The following MID1 variants were observed in gnomAD, a reference collection of about 807,000 sequenced individuals.
MID1 encodes midline 1, also known as E3 ubiquitin-protein ligase Midline-1.
Under a neutral mutation model 40.4 loss-of-function variants are expected in MID1, and 7 were observed. That is an observed-to-expected ratio of 0.17 (90% CI 0.10 to 0.33). MID1 has a LOEUF of 0.33. Among genes scored for constraint, MID1 ranks in the 10% least tolerant of loss-of-function variants. The probability of loss-of-function intolerance (pLI) is 1.00; values close to 1 mark genes in which losing one functional copy is unlikely to be tolerated. For missense variants in MID1, 367 were observed against 558.5 expected, an observed-to-expected ratio of 0.66 and a Z score of 3.46; for synonymous variants, 229 against 221.2, an observed-to-expected ratio of 1.04 and a Z score of -0.31.
intron 1 of MID1, among the ~76,000 whole-genome samples, chrX:10,733,909 G>T (rs2043469725): frequency 1.8e-5 from 2 of 112,282 alleles, no homozygotes; most frequent in South Asian, 7.4e-4. Context: ...GTATTCAAAT[G>T]CATACCTATG....
chrX:10,555,844 C>T (rs911208382), intron 2 of MID1, among the ~76,000 whole-genome samples: 1 of 110,778 alleles, frequency 9.0e-6, no homozygotes, highest in African/African-American at 3.3e-5. Context: ...GACGATGATA[C>T]CGCTATTCTA....
At chrX:10,790,568 G>T (rs1239096653) in intron 1 of MID1, among the ~76,000 whole-genome samples, 1 of 110,650 alleles carries the variant, frequency 9.0e-6, no homozygotes, top group Non-Finnish European at 1.9e-5. Context: ...CATTCTGGGA[G>T]TGAGTTCCTC....
At chrX:10,761,629 A>G (rs1004381267) in intron 1 of MID1, among the ~76,000 whole-genome samples, 7 of 112,442 alleles carry the variant, frequency 6.2e-5, no homozygotes, top group Admixed American at 9.4e-5. Context: ...TGCTATTGCC[A>G]TAAGAAGGAC....
intron 1 of MID1, among the ~76,000 whole-genome samples, chrX:10,746,116 G>A (rs996599012): frequency 8.9e-6 from 1 of 111,867 alleles, no homozygotes; most frequent in African/African-American, 3.3e-5. Flanking sequence ...GAGAAGAGGC[G>A]GCATTCCTGA....
chrX:10,803,326 A>G (rs904351255), intron 1 of MID1, among the ~76,000 whole-genome samples: 5 of 110,227 alleles, frequency 4.5e-5, no homozygotes, highest in Non-Finnish European at 9.5e-5. Context: ...TGCTTCATAC[A>G]TAATAAATAG....
intron 3 of MID1, among the ~76,000 whole-genome samples, chrX:10,496,815 T>C (rs1259057912): frequency 8.9e-6 from 1 of 112,430 alleles, no homozygotes; most frequent in Non-Finnish European, 1.9e-5. Flanking sequence ...ATTTTATTCC[T>C]GATCATTGTT....
intron 1 of MID1, among the ~76,000 whole-genome samples, chrX:10,765,978 A>G (rs2043724169): frequency 9.3e-6 from 1 of 107,584 alleles, no homozygotes; most frequent in African/African-American, 3.4e-5. Context: ...AAAGAAAGAA[A>G]GAAAGAAAGA....
chrX:10,501,394 G>A (rs1456395178), intron 3 of MID1: 1 of 1,149,977 alleles, frequency 8.7e-7, no homozygotes, highest in Non-Finnish European at 1.1e-6. Flanking sequence ...TCACCCATCT[G>A]CTCAGCACAT....
chrX:10,506,635 G>C (rs1931856960), intron 3 of MID1: 1 of 462,666 alleles, frequency 2.2e-6, no homozygotes, highest in South Asian at 3.3e-5. Flanking sequence ...GATAGGACCT[G>C]TGAGTGCAAT....
intron 1 of MID1, among the ~76,000 whole-genome samples, chrX:10,814,636 C>T (rs1283356604): frequency 1.8e-5 from 2 of 110,028 alleles, no homozygotes; most frequent in African/African-American, 6.6e-5. Context: ...CGCATGCATG[C>T]ACATATTTAG....
chrX:10,623,335 AAGG>A (rs1569131225), upstream of MID1, among the ~76,000 whole-genome samples: 46 of 108,954 alleles, frequency 4.2e-4, no homozygotes, highest in African/African-American at 1.5e-3. Flanking sequence ...GGAAGGAAGG[AAGG>A]GAAAAAGAAA....
chrX:10,588,127 C>T (rs995249362), intron 1 of MID1, among the ~76,000 whole-genome samples: 11 of 112,053 alleles, frequency 9.8e-5, no homozygotes, highest in Non-Finnish European at 1.7e-4. Context: ...TTACAATTAA[C>T]GTCTCAAAAC....
rs185139775 is a variant in MID1, at chrX:10,778,402, C to A, written c.-187+55152G>T. On this transcript the variant is annotated intron_variant, in intron 1 of 10. Transcript: ENST00000380785. ...GAGATATATATATATTAATAAATAT[C>A]TGTTTGTTTATCTCTTGTTAATGTG... is the stretch of plus-strand genomic sequence containing the variant. Among the ~76,000 whole-genome samples, 314 of 111,360 alleles carry A rather than the reference C, an allele frequency of 2.8e-3. 1 individual carries two copies. The highest frequency in any genetic ancestry group is 0.023 in the Middle Eastern group (5 of 214).
chrX:10,600,245 G>A (rs1337782395), intron 1 of MID1, among the ~76,000 whole-genome samples: 2 of 110,473 alleles, frequency 1.8e-5, no homozygotes, highest in Non-Finnish European at 3.8e-5. Flanking sequence ...AAGATCGCTT[G>A]AGCCCAGGAG....
At chrX:10,510,830 C>CAAAAAAAAAAAAAAAAAAAAA (rs1185825614) in intron 3 of MID1, among the ~76,000 whole-genome samples, 1 of 23,946 alleles carries the variant, frequency 4.2e-5, no homozygotes, top group African/African-American at 1.5e-4. Flanking sequence ...GACTCTGTCT[C>CAAAAAAAAAAAAAAAAAAAAA]AAAAAAAAAA....
At chrX:10,649,297 C>T (rs927822848) in intron 1 of MID1, among the ~76,000 whole-genome samples, 5 of 112,025 alleles carry the variant, frequency 4.5e-5, no homozygotes, top group Non-Finnish European at 9.4e-5. Context: ...GAGGCACCTA[C>T]ATCTTTTTCC....
chrX:10,812,712 T>C (rs887040861), intron 1 of MID1, among the ~76,000 whole-genome samples: 1 of 111,544 alleles, frequency 9.0e-6, no homozygotes, highest in Non-Finnish European at 1.9e-5. Flanking sequence ...TTCCAGAGAG[T>C]GTACAGCATG....
At chrX:10,622,817 TA>T (rs1029503714), upstream of MID1, among the ~76,000 whole-genome samples, 3 of 110,998 alleles carry the variant, frequency 2.7e-5, no homozygotes, top group Non-Finnish European at 3.8e-5. Flanking sequence ...AGAAAACCTC[TA>T]AAAAAAATGA....
Position 10,470,378 on chromosome X carries a change from A to T in MID1, c.1142-538T>A, listed in dbSNP as rs376753991. On this transcript the variant is annotated intron_variant, in intron 6 of 9. Transcript: ENST00000317552. ...GGTAGAGGGTCAGATTTGGGCTGTA[A>T]CCCAAAGTTCACCAACCCCTGACCT... Among the ~76,000 whole-genome samples the T allele has an allele frequency of 2.7e-5, 3 of 112,041 alleles. No individual in the cohort carries two copies. In the East Asian group the frequency reaches 8.4e-4, roughly 31 times the overall value.
Sources: allele counts gnomAD v4.1 joint callset (sites outside exome capture counted in the v4.1 genomes callset), GRCh38; gene constraint gnomAD v4.1.1; transcripts MANE v1.5; gene names NCBI Gene and HGNC (gene_info 2026-07-23, HGNC 2026-07-21).